Variants in TBC1D4 observed in about 807,000 individuals in gnomAD.
The protein encoded by TBC1D4 is TBC1 domain family member 4, also known as TBC (Tre-2, BUB2, CDC16) domain-containing protein.
In TBC1D4, 121 loss-of-function variants were observed where a neutral mutation model predicts 142.5. The ratio of observed to expected loss-of-function variants is 0.85; its 90% confidence interval spans 0.73 to 0.99. The LOEUF (loss-of-function observed/expected upper bound fraction) is 0.99. Among genes scored for constraint, TBC1D4 ranks in the 50% least tolerant of loss-of-function variants. The probability of loss-of-function intolerance (pLI) is 0.00; values close to 1 mark genes in which losing one functional copy is unlikely to be tolerated. For synonymous variants in TBC1D4, 630 were observed against 628.2 expected, an observed-to-expected ratio of 1.00 and a Z score of -0.04; for missense variants, 1,475 against 1,606.6, an observed-to-expected ratio of 0.92 and a Z score of 1.40.
In TBC1D4 at chr13:75,481,772, C is replaced by G; in HGVS notation, c.-5G>C. ...AATGCAGCTGGGCGGCTCCATAACT[C>G]TCGCCTCACCAGGGCACCGCGGAGG... On this transcript the variant is annotated 5_prime_UTR_variant, in exon 1 of 21. Coordinates refer to ENST00000377636, the MANE Select transcript of TBC1D4 (RefSeq NM_014832.5). The G allele has an allele frequency of 6.4e-7, 1 of 1,557,382 alleles. No individual in the cohort carries two copies. The highest frequency in any genetic ancestry group is 8.6e-7 in the Non-Finnish European group (1 of 1,159,102).
intron 2 of TBC1D4, among the ~76,000 whole-genome samples, chr13:75,361,440 G>C (rs80094170): frequency 0.017 from 2,522 of 152,148 alleles, 78 homozygotes; most frequent in African/African-American, 0.058. Context: ...GAGTGCAGGG[G>C]GTCAATCTCA....
rs940440134 is a variant in TBC1D4, at chr13:75,386,397, T to C, written c.499-23790A>G. Among the ~76,000 whole-genome samples the C allele has an allele frequency of 2.0e-5, 3 of 151,462 alleles. No individual in the cohort carries two copies. In the South Asian group the frequency reaches 6.2e-4, roughly 32 times the overall value. ...GCTATTTTCTTTTTCTTTTTCTTTT[T>C]TTTTTTTTTCAGATGGAGTCTCACA... On this transcript the variant is annotated intron_variant, in intron 1 of 20. Coordinates refer to ENST00000377636, the MANE Select transcript of TBC1D4 (RefSeq NM_014832.5).
intron 1 of TBC1D4, among the ~76,000 whole-genome samples, chr13:75,423,419 T>A (rs1566479875): frequency 1.3e-5 from 2 of 152,168 alleles, no homozygotes; most frequent in Non-Finnish European, 2.9e-5. Flanking sequence ...CAACAGATGG[T>A]TTGTTAGGGC....
At chr13:75,315,417 T>TATAC (rs1313479147) in intron 12 of TBC1D4, among the ~76,000 whole-genome samples, 1 of 33,562 alleles carries the variant, frequency 3.0e-5, no homozygotes, top group African/African-American at 5.1e-5. Context: ...TATATATATA[T>TATAC]ACACACACAT....
chr13:75,481,424 G>T lies in TBC1D4; in HGVS notation c.344C>A (p.Ala115Glu). 1.9e-6 allele frequency: 3 copies of T among 1,613,826 alleles called. No homozygotes were observed. The highest frequency in any genetic ancestry group is 2.5e-6 in the Non-Finnish European group (3 of 1,179,790). ...CGCCTTGTGCTCGAAGATGAATACC[G>T]CCGGGTTGGGCTGCGTGGCCGACGG... ...TSPSATQPNP[A>E]VFIFEHKAQH... is the part of the protein sequence containing the mutation. Residue 115 changes from alanine (A) to glutamate (E), a missense_variant, in exon 1 of 21, where the codon GCG becomes GAG. Coordinates refer to ENST00000377636, the MANE Select transcript of TBC1D4 (RefSeq NM_014832.5).
intron 1 of TBC1D4, among the ~76,000 whole-genome samples, chr13:75,423,008 C>T (rs960997691): frequency 2.0e-5 from 3 of 152,068 alleles, no homozygotes; most frequent in Non-Finnish European, 4.4e-5. Flanking sequence ...GAATTGCATT[C>T]GCTACTAGTT....
rs1270607066 is a variant in TBC1D4 at position 75,324,440 on chromosome 13, A to T, written c.2034-39T>A. On this transcript the variant is annotated intron_variant, in intron 10 of 20. Coordinates refer to ENST00000377636, the MANE Select transcript of TBC1D4 (RefSeq NM_014832.5). ...ATACAGCAAATATGTCTTAATTTAT[A>T]TTTTGACAAAATCTTCATTCACTAT... 3.7e-6 allele frequency: 6 copies of T among 1,609,048 alleles called. No homozygotes were observed. The Admixed American group carries it at 1.0e-4, about 27-fold the overall frequency.
chr13:75,449,297 T>C (rs958070129), intron 1 of TBC1D4, among the ~76,000 whole-genome samples: 6 of 152,048 alleles, frequency 3.9e-5, no homozygotes, highest in African/African-American at 1.2e-4. Flanking sequence ...ACCATATGTG[T>C]GTATACACAC....
At chr13:75,384,285 A>C (rs1462810272) in intron 1 of TBC1D4, among the ~76,000 whole-genome samples, 2 of 151,920 alleles carry the variant, frequency 1.3e-5, no homozygotes, top group East Asian at 1.9e-4. Context: ...AAAATATAGA[A>C]ATTAGCTGGG....
intron 1 of TBC1D4, among the ~76,000 whole-genome samples, chr13:75,371,989 T>C (rs9573532): frequency 0.12 from 17,555 of 152,218 alleles, 1,121 homozygotes; most frequent in African/African-American, 0.18. Context: ...GATATTTCTA[T>C]GGGCATGATT....
chr13:75,470,354 C>T (rs527996667), intron 1 of TBC1D4, among the ~76,000 whole-genome samples: 1 of 152,222 alleles, frequency 6.6e-6, no homozygotes, highest in Non-Finnish European at 1.5e-5. Context: ...CCACTGTCTA[C>T]TGCCGTATTG....
chr13:75,430,436 C>A (rs1197392360), intron 1 of TBC1D4, among the ~76,000 whole-genome samples: 1 of 152,218 alleles, frequency 6.6e-6, no homozygotes, highest in Non-Finnish European at 1.5e-5. Flanking sequence ...GTGCCCCACC[C>A]AAGCACGTAC....
chr13:75,360,095 A>G (rs1378236608), intron 2 of TBC1D4, among the ~76,000 whole-genome samples: 3 of 68,870 alleles, frequency 4.4e-5, no homozygotes, highest in African/African-American at 1.2e-4. Flanking sequence ...TTCAATTATT[A>G]TAAGATACAA....
chr13:75,373,412 C>T, intron 1 of TBC1D4, among the ~76,000 whole-genome samples: 1 of 152,158 alleles, frequency 6.6e-6, no homozygotes, highest in Non-Finnish European at 1.5e-5. Flanking sequence ...AACCGCAGGC[C>T]ATCCGGGGAT....
At chr13:75,373,678 A>G (rs1345612879) in intron 1 of TBC1D4, among the ~76,000 whole-genome samples, 1 of 152,166 alleles carries the variant, frequency 6.6e-6, no homozygotes, top group African/African-American at 2.4e-5. Context: ...TGGGGAATGA[A>G]AAATTAATCC....
chr13:75,352,336 T>C (rs1370567203), intron 4 of TBC1D4, among the ~76,000 whole-genome samples: 1 of 152,154 alleles, frequency 6.6e-6, no homozygotes, highest in Non-Finnish European at 1.5e-5. Context: ...CCATGCTTAT[T>C]TCATTAACTA....
At chr13:75,391,451 C>T (rs964606333) in intron 1 of TBC1D4, among the ~76,000 whole-genome samples, 7 of 152,190 alleles carry the variant, frequency 4.6e-5, no homozygotes, top group Admixed American at 6.5e-5. Context: ...CTAAACCCAA[C>T]GGTTAATTCC....
intron 17 of TBC1D4, among the ~76,000 whole-genome samples, chr13:75,296,810 A>C (rs1038293628): frequency 1.3e-5 from 2 of 152,182 alleles, no homozygotes; most frequent in Admixed American, 1.3e-4. Context: ...GACAAGATAC[A>C]TGTATTTAAA....
At chr13:75,345,469 A>G (rs929694784) in intron 5 of TBC1D4, among the ~76,000 whole-genome samples, 2 of 152,088 alleles carry the variant, frequency 1.3e-5, no homozygotes, top group Non-Finnish European at 2.9e-5. Flanking sequence ...CCTTCTTTTT[A>G]CTCCCTTCAG....
Sources: gnomAD v4.1 joint callset for allele counts (sites outside exome capture counted in the v4.1 genomes callset) on GRCh38, gnomAD v4.1.1 for gene constraint, MANE v1.5 for transcripts, NCBI Gene and HGNC (gene_info 2026-07-23, HGNC 2026-07-21) for gene names.